DLG2: variants seen among roughly 807,000 people sequenced by gnomAD.
The protein encoded by DLG2 is disks large homolog 2.
A neutral mutation model predicts 132.5 loss-of-function variants in DLG2; 45 were observed. The observed-to-expected ratio is 0.34, with a 90% CI of 0.27 to 0.44. The LOEUF (loss-of-function observed/expected upper bound fraction) is 0.44. DLG2 is among the 20% of genes least tolerant of loss of function. DLG2 has a pLI of 1.00. For synonymous variants in DLG2, 424 were observed against 419.6 expected, an observed-to-expected ratio of 1.01 and a Z score of -0.13; for missense variants, 1,045 against 1,196.9, an observed-to-expected ratio of 0.87 and a Z score of 1.87.
intron 6 of DLG2, among the ~76,000 whole-genome samples, chr11:85,102,783 G>T (rs2071085218): frequency 6.6e-6 from 1 of 151,760 alleles, no homozygotes; most frequent in Non-Finnish European, 1.5e-5. Flanking sequence ...CATCAATTGG[G>T]CAAGAAAATT....
chr11:85,133,079 C>T (rs192941093), intron 5 of DLG2: 4 of 335,338 alleles, frequency 1.2e-5, no homozygotes, highest in Admixed American at 7.6e-5. Context: ...TAGCGGATTC[C>T]TTGATTGGAA....
At chr11:83,921,791 T>C (rs1210154573) in intron 15 of DLG2, among the ~76,000 whole-genome samples, 1 of 152,160 alleles carries the variant, frequency 6.6e-6, no homozygotes. Context: ...CAAACAGACA[T>C]ACTAAAACTA....
chr11:84,395,290 A>G (rs1020419028), intron 7 of DLG2, among the ~76,000 whole-genome samples: 1 of 152,118 alleles, frequency 6.6e-6, no homozygotes, highest in Admixed American at 6.5e-5. Context: ...CAATTCCAAT[A>G]TGAAGTCTTT....
At chr11:85,453,172 C>T in intron 3 of DLG2, 2 of 308,888 alleles carry the variant, frequency 6.5e-6, no homozygotes, top group South Asian at 7.1e-5. Context: ...CTTCTGATAG[C>T]ATCATTTGGG....
At chr11:84,954,406 A>G (rs1033358352) in intron 6 of DLG2, among the ~76,000 whole-genome samples, 4 of 152,070 alleles carry the variant, frequency 2.6e-5, no homozygotes, top group African/African-American at 9.7e-5. Context: ...AATCAAGGAA[A>G]GTAGTGAGGA....
intron 6 of DLG2, among the ~76,000 whole-genome samples, chr11:84,737,775 G>T (rs2064050718): frequency 6.6e-6 from 1 of 151,898 alleles, no homozygotes; most frequent in Admixed American, 6.6e-5. Flanking sequence ...TTCAACTCAA[G>T]GAACATCTTA....
intron 6 of DLG2, among the ~76,000 whole-genome samples, chr11:84,725,502 T>C (rs2062335063): frequency 6.6e-6 from 1 of 152,160 alleles, no homozygotes; most frequent in Non-Finnish European, 1.5e-5. Flanking sequence ...TTGAGTTTCC[T>C]GAAACATGTA....
intron 16 of DLG2, among the ~76,000 whole-genome samples, chr11:83,851,575 G>A (rs990876892): frequency 7.4e-5 from 11 of 148,212 alleles, no homozygotes; most frequent in African/African-American, 1.0e-4. Context: ...TGCAGTGAGC[G>A]GAGATGGAGC....
At chr11:85,028,579 G>C (rs1036248636) in intron 6 of DLG2, among the ~76,000 whole-genome samples, 13 of 152,170 alleles carry the variant, frequency 8.5e-5, no homozygotes, top group Admixed American at 5.2e-4. Flanking sequence ...GGGGCTGAGG[G>C]GGCAGAGGGC....
intron 18 of DLG2, chr11:83,651,650 G>A (rs775505657): frequency 2.5e-5 from 7 of 277,844 alleles, no homozygotes; most frequent in Non-Finnish European, 5.2e-5. Flanking sequence ...AGTTGGAGGA[G>A]GAGGAAGAAA....
intron 4 of DLG2, among the ~76,000 whole-genome samples, chr11:85,185,229 C>T (rs893376993): frequency 3.9e-5 from 6 of 151,936 alleles, no homozygotes; most frequent in African/African-American, 1.4e-4. Context: ...TCATGTTTTA[C>T]CCTTTTACTC....
At chr11:85,417,521 A>T (rs2089965923) in intron 3 of DLG2, among the ~76,000 whole-genome samples, 1 of 152,186 alleles carries the variant, frequency 6.6e-6, no homozygotes, top group African/African-American at 2.4e-5. Flanking sequence ...AAGGAATGAC[A>T]CCAGCTCCTC....
At chr11:83,659,605 T>A (rs1225446765) in intron 18 of DLG2, among the ~76,000 whole-genome samples, 2 of 152,226 alleles carry the variant, frequency 1.3e-5, no homozygotes, top group Non-Finnish European at 2.9e-5. Flanking sequence ...GGGCTCTGCC[T>A]TTCTTTGTGT....
intron 6 of DLG2, among the ~76,000 whole-genome samples, chr11:84,937,460 T>C (rs143427958): frequency 2.6e-5 from 4 of 152,116 alleles, no homozygotes; most frequent in African/African-American, 9.6e-5. Flanking sequence ...AGCAGGTACT[T>C]ATAAAAGATA....
chr11:85,198,558 G>T (rs1457368821), intron 4 of DLG2, among the ~76,000 whole-genome samples: 1 of 151,880 alleles, frequency 6.6e-6, no homozygotes, highest in Non-Finnish European at 1.5e-5. Flanking sequence ...AAAATTGAAG[G>T]CAAGTTTACA....
At chr11:83,608,955 G>T (rs1009150920) in intron 19 of DLG2, among the ~76,000 whole-genome samples, 7 of 152,070 alleles carry the variant, frequency 4.6e-5, no homozygotes, top group African/African-American at 1.7e-4. Flanking sequence ...TGCTGTCCAA[G>T]AACCTTTCTA....
intron 3 of DLG2, among the ~76,000 whole-genome samples, chr11:85,334,100 A>G (rs1194618887): frequency 6.6e-6 from 1 of 152,064 alleles, no homozygotes; most frequent in African/African-American, 2.4e-5. Flanking sequence ...CTACTGATTC[A>G]ATGTCAGAAT....
At chr11:84,188,846 C>A (rs1486893226) in intron 8 of DLG2, among the ~76,000 whole-genome samples, 1 of 152,142 alleles carries the variant, frequency 6.6e-6, no homozygotes, top group Non-Finnish European at 1.5e-5. Flanking sequence ...CAGTCTGTAG[C>A]AAGGCTTGCC....
intron 6 of DLG2, among the ~76,000 whole-genome samples, chr11:84,543,212 C>A (rs1423306802): frequency 6.6e-6 from 1 of 152,138 alleles, no homozygotes; most frequent in Non-Finnish European, 1.5e-5. Flanking sequence ...TTATTCCAAT[C>A]CATTCTTTCA....
Sources: allele counts gnomAD v4.1 joint callset (sites outside exome capture counted in the v4.1 genomes callset), GRCh38; gene constraint gnomAD v4.1.1; transcripts MANE v1.5; gene names NCBI Gene and HGNC (gene_info 2026-07-23, HGNC 2026-07-21).